The following LRRC49 variants were observed in gnomAD, a reference collection of about 807,000 sequenced individuals.
The protein encoded by LRRC49 is leucine-rich repeat-containing protein 49.
In LRRC49, 50 loss-of-function variants were observed where a neutral mutation model predicts 83.3. The observed-to-expected ratio is 0.60, with a 90% CI of 0.48 to 0.76. The LOEUF (loss-of-function observed/expected upper bound fraction) is 0.76. Among genes scored for constraint, LRRC49 ranks in the 30% least tolerant of loss-of-function variants. The pLI is 0.00. For synonymous variants in LRRC49, 286 were observed against 283.3 expected (o/e 1.01, Z -0.10); for missense variants, 704 against 809.1 (o/e 0.87, Z 1.58).
intron 14 of LRRC49, among the ~76,000 whole-genome samples, chr15:71,036,914 T>C (rs1392873427): frequency 6.6e-6 from 1 of 152,156 alleles, no homozygotes; most frequent in East Asian, 1.9e-4. Context: ...TTGATTTTTA[T>C]TAAAGGAGAG....
intron 11 of LRRC49, among the ~76,000 whole-genome samples, chr15:70,984,802 C>A (rs1281750794): frequency 7.4e-6 from 1 of 134,964 alleles, no homozygotes; most frequent in Non-Finnish European, 1.6e-5. Flanking sequence ...ACAACAGTCC[C>A]CAGAGTGTGA....
chr15:70,946,102 T>C (rs971691813), intron 8 of LRRC49, among the ~76,000 whole-genome samples: 3 of 152,208 alleles, frequency 2.0e-5, no homozygotes, highest in Admixed American at 1.3e-4. Flanking sequence ...TAATGTCTTA[T>C]TTAAAGATTT....
intron 9 of LRRC49, among the ~76,000 whole-genome samples, chr15:70,966,651 A>G (rs943276848): frequency 6.6e-6 from 1 of 152,130 alleles, no homozygotes; most frequent in Non-Finnish European, 1.5e-5. Context: ...AATTGCTACT[A>G]AAGTGCTAGA....
rs1453657875 is a variant in LRRC49 at position 70,963,853 on chromosome 15, T to C, written c.842T>C (p.Ile281Thr). The C allele has an allele frequency of 6.2e-7, 1 of 1,613,652 alleles. No homozygotes were observed. The highest frequency in any genetic ancestry group is 8.5e-7 in the Non-Finnish European group (1 of 1,179,652). ...LSDITFDGNPIAQESWYKHTV... is the reference protein window; with the variant it reads ...LSDITFDGNPTAQESWYKHTV... ...GACATCACCTTTGATGGCAATCCCATAGCTCAAGAGTCATGGTACAAACAC... is the reference window on the plus strand; with the variant it reads ...GACATCACCTTTGATGGCAATCCCACAGCTCAAGAGTCATGGTACAAACAC... The change falls in exon 9 of 16, where the codon ATA becomes ACA. Residue 281 changes from isoleucine to threonine, a missense_variant. By Grantham distance (89) the Ile-to-Thr change is moderately conservative. Coordinates refer to ENST00000260382, the MANE Select transcript of LRRC49 (RefSeq NM_017691.5).
At chr15:71,024,233 G>A (rs1247195693) in intron 14 of LRRC49, among the ~76,000 whole-genome samples, 1 of 152,210 alleles carries the variant, frequency 6.6e-6, no homozygotes, top group Non-Finnish European at 1.5e-5. Context: ...CCAGTGCAGT[G>A]CACCCCTTCC....
At chr15:70,883,995 G>A (rs2033336470) in intron 2 of LRRC49, among the ~76,000 whole-genome samples, 1 of 152,082 alleles carries the variant, frequency 6.6e-6, no homozygotes, top group Non-Finnish European at 1.5e-5. Flanking sequence ...TGGGTGAGAG[G>A]TAGAAAGAAG....
At chr15:70,956,324 C>A (rs1436319470) in intron 8 of LRRC49, among the ~76,000 whole-genome samples, 1 of 151,850 alleles carries the variant, frequency 6.6e-6, no homozygotes, top group African/African-American at 2.4e-5. Flanking sequence ...GGTTCTTTAG[C>A]AGATAGGAAG....
intron 5 of LRRC49, among the ~76,000 whole-genome samples, chr15:70,908,146 G>A (rs546496907): frequency 2.0e-5 from 3 of 152,176 alleles, no homozygotes; most frequent in Non-Finnish European, 4.4e-5. Flanking sequence ...TGGGCGATCC[G>A]AATCTGATGT....
chr15:70,952,289 G>C (rs1197460684), intron 8 of LRRC49, among the ~76,000 whole-genome samples: 1 of 151,670 alleles, frequency 6.6e-6, no homozygotes, highest in African/African-American at 2.4e-5. Context: ...CTGAATTAGA[G>C]AGTAGTCCCT....
chr15:70,879,837 C>T (rs563361052), intron 2 of LRRC49, among the ~76,000 whole-genome samples: 1 of 152,260 alleles, frequency 6.6e-6, no homozygotes, highest in South Asian at 2.1e-4. Flanking sequence ...CTTCTCTCAC[C>T]TAAAGTCCAA....
intron 8 of LRRC49, among the ~76,000 whole-genome samples, chr15:70,961,459 A>T (rs752452562): frequency 3.9e-5 from 6 of 152,344 alleles, no homozygotes; most frequent in Non-Finnish European, 7.4e-5. Flanking sequence ...GAATATTTAC[A>T]GCAGCTTTAT....
At chr15:70,891,971 T>C, upstream of LRRC49, 1 of 1,613,404 alleles carries the variant, frequency 6.2e-7, no homozygotes, top group South Asian at 1.1e-5. Context: ...GTCTCCCTCC[T>C]CTCCCCTCTT....
intron 14 of LRRC49, among the ~76,000 whole-genome samples, chr15:71,036,978 T>C (rs568896200): frequency 2.0e-5 from 3 of 152,130 alleles, no homozygotes; most frequent in Non-Finnish European, 4.4e-5. Context: ...TTAGTAGTTA[T>C]GGAAAAAATA....
At chr15:70,929,344 T>G (rs1430334338) in intron 7 of LRRC49, among the ~76,000 whole-genome samples, 1 of 152,230 alleles carries the variant, frequency 6.6e-6, no homozygotes. Flanking sequence ...TACACTATAC[T>G]GTAGTCTATT....
At chr15:70,990,509 G>A (rs2037832001) in intron 11 of LRRC49, among the ~76,000 whole-genome samples, 1 of 152,228 alleles carries the variant, frequency 6.6e-6, no homozygotes, top group Non-Finnish European at 1.5e-5. Context: ...TGGGGTGGGA[G>A]TGACCCAATT....
At chr15:70,895,222 G>C (rs1435073276) in intron 2 of LRRC49, among the ~76,000 whole-genome samples, 1 of 152,038 alleles carries the variant, frequency 6.6e-6, no homozygotes, top group Non-Finnish European at 1.5e-5. Context: ...TTCTGGTTTT[G>C]TTTTTCTCAG....
intron 7 of LRRC49, among the ~76,000 whole-genome samples, chr15:70,933,220 T>C (rs1261340107): frequency 1.3e-5 from 2 of 152,214 alleles, no homozygotes; most frequent in African/African-American, 4.8e-5. Context: ...AAAATAGTTT[T>C]GAATTTTACT....
Position 70,963,821 on chromosome 15 carries a change from C to A in LRRC49, c.810C>A (p.Ser270=). 1.2e-6 allele frequency: 2 copies of A among 1,613,288 alleles called. No homozygotes were observed. The highest frequency in any genetic ancestry group is 2.2e-5 in the South Asian group (2 of 90,946). Residue 270 remains serine, a synonymous_variant, in exon 9 of 16, where the codon TCC becomes TCA. Coordinates refer to ENST00000260382, the MANE Select transcript of LRRC49 (RefSeq NM_017691.5). ...TTTCCTGCCTTGCTGACTCTTCTTC[C>A]CTCTCGGACATCACCTTTGATGGCA... ...DSVSCLADSS[S]LSDITFDGNP...
At chr15:71,000,896 C>G (rs1014513401) in intron 11 of LRRC49, among the ~76,000 whole-genome samples, 2 of 151,830 alleles carry the variant, frequency 1.3e-5, no homozygotes, top group Non-Finnish European at 2.9e-5. Flanking sequence ...GTCCTCTCAA[C>G]CTCTCGATGG....
Sources: allele counts gnomAD v4.1 joint callset (sites outside exome capture counted in the v4.1 genomes callset), GRCh38; gene constraint gnomAD v4.1.1; transcripts MANE v1.5; gene names NCBI Gene and HGNC (gene_info 2026-07-23, HGNC 2026-07-21).